RTN1: variants seen among roughly 807,000 people sequenced by gnomAD.
RTN1 encodes the protein reticulon 1.
RTN1 carries 25 observed loss-of-function variants against 65.5 expected under a neutral mutation model. The observed-to-expected ratio is 0.38, with a 90% CI of 0.28 to 0.53. The LOEUF (loss-of-function observed/expected upper bound fraction) is 0.53. Among genes scored for constraint, RTN1 ranks in the 20% least tolerant of loss-of-function variants. RTN1 has a pLI of 0.79. For missense variants in RTN1, 983 were observed against 1,025.4 expected (o/e 0.96, Z 0.57); for synonymous variants, 471 against 447.6 (o/e 1.05, Z -0.66).
Position 59,806,411 on chromosome 14 carries a change from G to T in RTN1, c.242-59930C>A, listed in dbSNP as rs546432647. Among the ~76,000 whole-genome samples, 13 of 151,912 alleles carry T rather than the reference G, an allele frequency of 8.6e-5. No individual in the cohort carries two copies. In the South Asian group the frequency reaches 2.5e-3, roughly 29 times the overall value. On this transcript the variant is annotated intron_variant, in intron 1 of 8. Transcript: ENST00000267484. ...CTAAAAGTTTGACTATAATGCAGCA[G>T]AAAAAAACATAAATTAGAATATATT...
chr14:59,742,550 G>C (rs947137173), intron 2 of RTN1, among the ~76,000 whole-genome samples: 3 of 152,120 alleles, frequency 2.0e-5, no homozygotes, highest in African/African-American at 7.2e-5. Flanking sequence ...TAATCTATTG[G>C]AATTGGGAGA....
chr14:59,747,548 G>A (rs1358167795), intron 1 of RTN1, among the ~76,000 whole-genome samples: 2 of 152,128 alleles, frequency 1.3e-5, no homozygotes, highest in Non-Finnish European at 2.9e-5. Context: ...GGAGGTTGCG[G>A]TAAGCTGAGA....
intron 2 of RTN1, among the ~76,000 whole-genome samples, chr14:59,729,814 G>C (rs1243172652): frequency 1.3e-5 from 2 of 152,164 alleles, no homozygotes; most frequent in African/African-American, 4.8e-5. Context: ...TGCTCTGAGA[G>C]GCTGACCTAC....
chr14:59,824,074 T>A (rs949522762), intron 1 of RTN1, among the ~76,000 whole-genome samples: 1 of 152,214 alleles, frequency 6.6e-6, no homozygotes, highest in Non-Finnish European at 1.5e-5. Context: ...CATACCCACC[T>A]CTGCAGTGTT....
At chr14:59,707,093 G>A (rs1006363890) in intron 3 of RTN1, among the ~76,000 whole-genome samples, 2 of 152,168 alleles carry the variant, frequency 1.3e-5, no homozygotes, top group Non-Finnish European at 2.9e-5. Context: ...GAGAACTGAA[G>A]AACAAGCTGA....
intron 1 of RTN1, among the ~76,000 whole-genome samples, chr14:59,751,963 C>T (rs1223270937): frequency 6.6e-6 from 1 of 152,170 alleles, no homozygotes; most frequent in Non-Finnish European, 1.5e-5. Flanking sequence ...AAGCCCTTCA[C>T]AGTCTCACAC....
intron 1 of RTN1, among the ~76,000 whole-genome samples, chr14:59,826,290 T>A (rs1887029742): frequency 6.6e-6 from 1 of 152,234 alleles, no homozygotes; most frequent in Admixed American, 6.5e-5. Flanking sequence ...TATTTCCTCA[T>A]CAATAAAATG....
intron 3 of RTN1, among the ~76,000 whole-genome samples, chr14:59,705,899 C>A (rs184015880): frequency 6.6e-6 from 1 of 152,296 alleles, no homozygotes; most frequent in Admixed American, 6.5e-5. Flanking sequence ...TGAAAGGCCT[C>A]AGAGCCAAAG....
intron 3 of RTN1, among the ~76,000 whole-genome samples, chr14:59,719,227 C>T (rs1030604010): frequency 2.6e-5 from 4 of 152,214 alleles, no homozygotes; most frequent in Non-Finnish European, 2.9e-5. Flanking sequence ...TCTTGCCATT[C>T]TTCCCCTTGC....
At chr14:59,776,451 G>C (rs1886052073) in intron 1 of RTN1, among the ~76,000 whole-genome samples, 1 of 152,018 alleles carries the variant, frequency 6.6e-6, no homozygotes, top group Non-Finnish European at 1.5e-5. Context: ...CCAAATGCAG[G>C]CCTCATCCTT....
At chr14:59,792,961 G>A (rs1247863322) in intron 1 of RTN1, among the ~76,000 whole-genome samples, 1 of 152,066 alleles carries the variant, frequency 6.6e-6, no homozygotes, top group Non-Finnish European at 1.5e-5. Flanking sequence ...TGTGCCAATA[G>A]CAAGGTAATA....
At chr14:59,802,901 C>T (rs945267521) in intron 1 of RTN1, among the ~76,000 whole-genome samples, 7 of 151,534 alleles carry the variant, frequency 4.6e-5, no homozygotes, top group Non-Finnish European at 1.0e-4. Flanking sequence ...CTAAAGGTAA[C>T]AATAAAATGT....
Position 59,774,736 on chromosome 14 carries a change from C to T in RTN1, c.242-28255G>A, listed in dbSNP as rs1013702212. Among the ~76,000 whole-genome samples the T allele has an allele frequency of 4.6e-5, 7 of 152,178 alleles. No individual in the cohort carries two copies. The highest frequency in any genetic ancestry group is 1.7e-4 in the African/African-American group (7 of 41,454). ...TAGTCCCAATAAGTCACCACTACTA[C>T]AGTTGAGACTGAGGAGTGGTATGGT... On this transcript the variant is annotated intron_variant, in intron 1 of 8. Coordinates refer to ENST00000267484, the MANE Select transcript of RTN1 (RefSeq NM_021136.3). The surrounding 1 kb of genome is among the most constrained non-coding windows in gnomAD (Gnocchi z 5.1).
Position 59,750,405 on chromosome 14 carries a change from AT to A in RTN1, c.242-3925del, listed in dbSNP as rs1275363158. On this transcript the variant is annotated intron_variant, in intron 1 of 8. Coordinates refer to ENST00000267484, the MANE Select transcript of RTN1 (RefSeq NM_021136.3). ...TATATATTATATCTATAATATATATATTATATGTATAATATATAATATATCT... is the reference window on the plus strand; with the variant it reads ...TATATATTATATCTATAATATATATATATATGTATAATATATAATATATCT... 1.5e-3 allele frequency among the ~76,000 whole-genome samples: 81 copies of A among 54,876 alleles called. 1 individual carries two copies. Among genetic ancestry groups the A allele is most frequent in the Non-Finnish European group, 2.1e-3 (71 of 33,456 alleles). The allele number at this position is 54,876 out of a possible 152,430, so 36.0% of individuals were successfully genotyped here.
intron 3 of RTN1, among the ~76,000 whole-genome samples, chr14:59,642,100 T>C (rs1246510521): frequency 6.6e-6 from 1 of 152,210 alleles, no homozygotes; most frequent in African/African-American, 2.4e-5. Context: ...TTTTGAATGA[T>C]AGTTTCATTG....
intron 1 of RTN1, among the ~76,000 whole-genome samples, chr14:59,802,121 C>G (rs1016252265): frequency 1.1e-4 from 17 of 152,134 alleles, no homozygotes; most frequent in African/African-American, 3.9e-4. Context: ...TAACTAAAAC[C>G]TGTGTAAAAT....
At position 59,869,589 on chromosome 14, in the gene RTN1, G is replaced by C. The variant is rs865896716; in HGVS notation, c.241+801C>G. On this transcript the variant is annotated intron_variant, in intron 1 of 8. Coordinates refer to ENST00000267484, the MANE Select transcript of RTN1 (RefSeq NM_021136.3). ...GGGCAATTTCCGGGGTGGGGGGGGGGGGGCGCTTAGACTGCTGGTAAACTG... is the reference window on the plus strand; with the variant it reads ...GGGCAATTTCCGGGGTGGGGGGGGGCGGGCGCTTAGACTGCTGGTAAACTG... Among the ~76,000 whole-genome samples the C allele has an allele frequency of 3.5e-3, 455 of 129,762 alleles. 9 individuals are homozygous for C. Among genetic ancestry groups the C allele is most frequent in the Middle Eastern group, 0.022 (6 of 268 alleles). The allele number at this position is 129,762 out of a possible 152,430, so 85.1% of individuals were successfully genotyped here.
chr14:59,784,165 G>T lies in RTN1; in HGVS notation c.242-37684C>A, dbSNP rs1054179117. Among the ~76,000 whole-genome samples, 5 of 152,274 alleles carry T rather than the reference G, an allele frequency of 3.3e-5. No homozygotes were observed. In the East Asian group the frequency reaches 9.6e-4, roughly 29 times the overall value. On this transcript the variant is annotated intron_variant, in intron 1 of 8. Transcript: ENST00000267484. ...AAAATCTTTCTATCACTGGCCAGGCGTGGTGGCTCATGCCTGTAATCCCAG... is the reference window on the plus strand; with the variant it reads ...AAAATCTTTCTATCACTGGCCAGGCTTGGTGGCTCATGCCTGTAATCCCAG...
intron 3 of RTN1, chr14:59,630,599 G>A (rs567787701): frequency 6.3e-7 from 1 of 1,588,334 alleles, no homozygotes; most frequent in South Asian, 1.1e-5. Context: ...TGGGCTCGCA[G>A]TGGCCGCGCG....
Sources: allele counts gnomAD v4.1 joint callset (sites outside exome capture counted in the v4.1 genomes callset), GRCh38; gene constraint gnomAD v4.1.1; non-coding constraint Gnocchi (gnomAD v3.1); transcripts MANE v1.5; gene names NCBI Gene and HGNC (gene_info 2026-07-23, HGNC 2026-07-21).